The following NKAIN3 variants were observed in gnomAD, a reference collection of about 807,000 sequenced individuals.
NKAIN3 encodes sodium/potassium transporting ATPase interacting 3.
A neutral mutation model predicts 30.2 loss-of-function variants in NKAIN3; 25 were observed. That is an observed-to-expected ratio of 0.83 (90% CI 0.60 to 1.16). The LOEUF is 1.16. Ranked by LOEUF, NKAIN3 falls within the 50% of genes most tolerant of loss-of-function variation. The probability of loss-of-function intolerance (pLI) is 0.00; values close to 1 mark genes in which losing one functional copy is unlikely to be tolerated. For missense variants in NKAIN3, 225 were observed against 254.1 expected, an observed-to-expected ratio of 0.89 and a Z score of 0.78; for synonymous variants, 91 against 89.6, an observed-to-expected ratio of 1.02 and a Z score of -0.09.
intron 1 of NKAIN3, among the ~76,000 whole-genome samples, chr8:62,375,190 C>T (rs7837742): frequency 0.034 from 5,104 of 152,224 alleles, 327 homozygotes; most frequent in African/African-American, 0.12. Context: ...GCCATTTAAA[C>T]TCAGAGATTT....
intron 3 of NKAIN3, among the ~76,000 whole-genome samples, chr8:62,697,695 T>C (rs1350411456): frequency 6.6e-6 from 1 of 152,202 alleles, no homozygotes; most frequent in Non-Finnish European, 1.5e-5. Flanking sequence ...AATTTCAAAA[T>C]GGTGTCTGTC....
At chr8:62,554,329 A>G (rs827708) in intron 1 of NKAIN3, among the ~76,000 whole-genome samples, 138,194 of 152,148 alleles carry the variant, frequency 0.91, 62,960 homozygotes, top group African/African-American at 0.97. Context: ...TCAAAGAATG[A>G]GAAAGAAGAG....
chr8:62,932,824 A>G (rs1266571736), intron 5 of NKAIN3, among the ~76,000 whole-genome samples: 3 of 152,040 alleles, frequency 2.0e-5, no homozygotes, highest in Non-Finnish European at 2.9e-5. Context: ...TGCAGCCTCG[A>G]ACTCCTGAGC....
intron 1 of NKAIN3, among the ~76,000 whole-genome samples, chr8:62,513,271 G>A (rs956904993): frequency 5.3e-5 from 8 of 151,250 alleles, no homozygotes. Context: ...AAATGTTGAG[G>A]CCTTTGACTG....
intron 3 of NKAIN3, among the ~76,000 whole-genome samples, chr8:62,716,272 G>A (rs953282962): frequency 1.3e-5 from 2 of 152,064 alleles, no homozygotes; most frequent in South Asian, 2.1e-4. Context: ...ATGATAATAC[G>A]TGTCATCCCG....
chr8:62,926,845 A>G (rs1465744796), intron 5 of NKAIN3, among the ~76,000 whole-genome samples: 4 of 152,078 alleles, frequency 2.6e-5, no homozygotes. Context: ...AGCAGACTTC[A>G]TTTTGTCCCG....
chr8:62,670,439 CCGACACAACGAA>C (rs1336327041), intron 3 of NKAIN3, among the ~76,000 whole-genome samples: 8 of 152,100 alleles, frequency 5.3e-5, no homozygotes, highest in Non-Finnish European at 1.0e-4. Context: ...CTTTACACTT[CCGACACAACGAA>C]GAAAGCAGTT....
At chr8:62,322,201 A>G (rs138384058) in intron 1 of NKAIN3, among the ~76,000 whole-genome samples, 209 of 152,250 alleles carry the variant, frequency 1.4e-3, no homozygotes, top group African/African-American at 4.7e-3. Context: ...GGTGGGAGTG[A>G]CCCGATTTTG....
At chr8:62,472,621 A>T (rs1165325553) in intron 1 of NKAIN3, among the ~76,000 whole-genome samples, 1 of 152,138 alleles carries the variant, frequency 6.6e-6, no homozygotes, top group African/African-American at 2.4e-5. Flanking sequence ...CTCAGAAGGG[A>T]TCCAAGAAAA....
intron 1 of NKAIN3, among the ~76,000 whole-genome samples, chr8:62,318,872 C>T (rs1814763535): frequency 6.6e-6 from 1 of 152,138 alleles, no homozygotes; most frequent in African/African-American, 2.4e-5. Flanking sequence ...AGGATTCCCT[C>T]TTTTTCTATT....
At chr8:62,518,836 T>A (rs1246231407) in intron 1 of NKAIN3, among the ~76,000 whole-genome samples, 1 of 152,034 alleles carries the variant, frequency 6.6e-6, no homozygotes, top group Non-Finnish European at 1.5e-5. Flanking sequence ...TTTAGTGACC[T>A]GGATTCTAGC....
intron 3 of NKAIN3, among the ~76,000 whole-genome samples, chr8:62,673,505 C>G (rs1813376333): frequency 6.6e-6 from 1 of 152,094 alleles, no homozygotes; most frequent in Non-Finnish European, 1.5e-5. Flanking sequence ...GAATATCTAC[C>G]TAGGGTCTTG....
intron 1 of NKAIN3, among the ~76,000 whole-genome samples, chr8:62,485,930 G>A (rs1806886617): frequency 6.6e-6 from 1 of 152,200 alleles, no homozygotes; most frequent in South Asian, 2.1e-4. Context: ...GCGGGGCTGA[G>A]TGATGACAAC....
intron 1 of NKAIN3, among the ~76,000 whole-genome samples, chr8:62,436,709 A>T (rs1050863214): frequency 2.0e-5 from 3 of 152,190 alleles, no homozygotes; most frequent in African/African-American, 7.2e-5. Flanking sequence ...TTAAAAAATA[A>T]TGATGTTATA....
chr8:62,855,466 A>G, intron 4 of NKAIN3: 15 of 1,276,192 alleles, frequency 1.2e-5, no homozygotes, highest in Non-Finnish European at 1.7e-5. Flanking sequence ...TGCTTCCAAA[A>G]TCTTCATTAT....
chr8:62,302,142 C>A (rs1228186384), intron 1 of NKAIN3, among the ~76,000 whole-genome samples: 1 of 152,076 alleles, frequency 6.6e-6, no homozygotes, highest in Admixed American at 6.6e-5. Context: ...TGAAGCTATT[C>A]ATGGAGTCAT....
intron 5 of NKAIN3, among the ~76,000 whole-genome samples, chr8:62,946,230 G>T (rs780878805): frequency 1.3e-5 from 2 of 152,214 alleles, no homozygotes; most frequent in Non-Finnish European, 2.9e-5. Context: ...TCAGGAAGGG[G>T]GTAGCACAGC....
chr8:62,312,943 C>A (rs1209837531), intron 1 of NKAIN3, among the ~76,000 whole-genome samples: 1 of 151,880 alleles, frequency 6.6e-6, no homozygotes, highest in Non-Finnish European at 1.5e-5. Flanking sequence ...AATATTTAAA[C>A]TTCCTTCTAA....
At chr8:62,551,326 G>A (rs1420463424) in intron 1 of NKAIN3, among the ~76,000 whole-genome samples, 1 of 152,024 alleles carries the variant, frequency 6.6e-6, no homozygotes, top group African/African-American at 2.4e-5. Flanking sequence ...ACAGTCATAC[G>A]GCAGTAGAGT....
Sources: gnomAD v4.1 joint callset for allele counts (sites outside exome capture counted in the v4.1 genomes callset) on GRCh38, gnomAD v4.1.1 for gene constraint, MANE v1.5 for transcripts, NCBI Gene and HGNC (gene_info 2026-07-23, HGNC 2026-07-21) for gene names.